Variants in TNKS2 observed in about 807,000 individuals in gnomAD.
The protein encoded by TNKS2 is poly [ADP-ribose] polymerase tankyrase-2.
TNKS2 carries 72 observed loss-of-function variants against 137.6 expected under a neutral mutation model. That is an observed-to-expected ratio of 0.52 (90% CI 0.43 to 0.64). TNKS2 has a LOEUF of 0.64. Among genes scored for constraint, TNKS2 ranks in the 30% least tolerant of loss-of-function variants. The probability of loss-of-function intolerance (pLI) is 0.00; values close to 1 mark genes in which losing one functional copy is unlikely to be tolerated. For missense variants in TNKS2, 1,049 were observed against 1,410.2 expected, an observed-to-expected ratio of 0.74 and a Z score of 4.10; for synonymous variants, 516 against 512.1, an observed-to-expected ratio of 1.01 and a Z score of -0.10.
rs888615263 is a variant in TNKS2, at chr10:91,807,549, T to C, written c.200-5434T>C. ...ACGCGAGTCCTGCAATGCCATTCTT[T>C]CTTAGCTTTACTTCTCAGACTCCTT... is the stretch of plus-strand genomic sequence containing the variant. On this transcript the variant is annotated intron_variant, in intron 1 of 26. Coordinates refer to ENST00000371627, the MANE Select transcript of TNKS2 (RefSeq NM_025235.4). 6 of 1,003,492 alleles carry C rather than the reference T, an allele frequency of 6.0e-6. No individual in the cohort carries two copies. The African/African-American group carries it at 9.6e-5, about 16-fold the overall frequency. The allele number at this position is 1,003,492 out of a possible 1,614,324, so 62.2% of individuals were successfully genotyped here. A position where few individuals can be genotyped will look rare whatever the true frequency, so the allele number is the denominator to read the frequency against.
intron 15 of TNKS2, among the ~76,000 whole-genome samples, 192 bp from the exon 16 acceptor site, chr10:91,841,980 A>G (rs576726194): frequency 6.6e-6 from 1 of 152,212 alleles, no homozygotes; most frequent in East Asian, 1.9e-4. Context: ...ATCCAGTAAT[A>G]TTTAACTGCC....
Position 91,837,007 on chromosome 10 carries a change from C to T in TNKS2, c.1527+9C>T, listed in dbSNP as rs1226966907. The T allele has an allele frequency of 1.9e-6, 3 of 1,611,422 alleles. No individual in the cohort carries two copies. The highest frequency in any genetic ancestry group is 3.4e-5 in the Admixed American group (2 of 59,624). ...ATGTCGAAACTGTAAAAGTAAGATA[C>T]AGTGTTACGTTTCTGTTAACTTTGG... On this transcript the variant is annotated intron_variant, in intron 13 of 26. Coordinates refer to ENST00000371627, the MANE Select transcript of TNKS2 (RefSeq NM_025235.4).
At chr10:91,856,497 G>T (rs751393866) in intron 23 of TNKS2, among the ~76,000 whole-genome samples, 4 of 152,174 alleles carry the variant, frequency 2.6e-5, no homozygotes, top group Non-Finnish European at 4.4e-5. Context: ...GTACATTTCA[G>T]TCAAGTCCAC....
chr10:91,830,852 T>C, intron 9 of TNKS2, 71 bp from the exon 10 acceptor site: 6 of 1,265,868 alleles, frequency 4.7e-6, no homozygotes, highest in African/African-American at 1.5e-5. Context: ...TTGTTCTTGA[T>C]TGGAAACACG....
intron 9 of TNKS2, among the ~76,000 whole-genome samples, chr10:91,830,323 T>C (rs1845206415): frequency 6.6e-6 from 1 of 152,204 alleles, no homozygotes; most frequent in Non-Finnish European, 1.5e-5. Flanking sequence ...GTTCAAGTGA[T>C]TCTCCTGTCT....
At chr10:91,801,462 C>T (rs568271987) in intron 1 of TNKS2, among the ~76,000 whole-genome samples, 2 of 149,454 alleles carry the variant, frequency 1.3e-5, no homozygotes, top group South Asian at 2.2e-4. Context: ...CGCAGATATA[C>T]ACAAGACAGG....
Position 91,864,108 on chromosome 10 carries a change from C to A in TNKS2, c.*1109C>A, listed in dbSNP as rs543510404. The stretch of plus-strand genomic sequence containing the variant: ...CTATACATCATGGGTAAACTTAACC[C>A]AGAACTATAAAATGTAGTTGTCTCA... On this transcript the variant is annotated 3_prime_UTR_variant, in exon 27 of 27. Coordinates refer to ENST00000371627, the MANE Select transcript of TNKS2 (RefSeq NM_025235.4). 1 of 152,400 alleles carries A rather than the reference C, an allele frequency of 6.6e-6. No homozygotes were observed. Among genetic ancestry groups the A allele is most frequent in the South Asian group, 2.1e-4 (1 of 4,820 alleles). 9.4% of individuals were successfully genotyped at this position (152,400 alleles called of 1,614,324 possible).
chr10:91,799,485 G>T (rs1028249606), intron 1 of TNKS2, among the ~76,000 whole-genome samples: 2 of 152,186 alleles, frequency 1.3e-5, no homozygotes, highest in African/African-American at 4.8e-5. Flanking sequence ...TAGGCTGGGT[G>T]CGGGAAGCCT....
chr10:91,819,563 TC>T lies in TNKS2; in HGVS notation c.633+8del, dbSNP rs764995280. The T allele has an allele frequency of 3.2e-6, 5 of 1,578,040 alleles. No homozygotes were observed. The highest frequency in any genetic ancestry group is 2.4e-5 in the South Asian group (2 of 83,830). Reference sequence around the variant, plus strand: ...ACGCAAGTGATGGCAGAAAGGTACTTCCTTTTGCAACTGAGTTTGTGCTTAT... The same window carrying T: ...ACGCAAGTGATGGCAGAAAGGTACTTCTTTTGCAACTGAGTTTGTGCTTAT... On this transcript the variant is annotated splice_region_variant and intron_variant, in intron 5 of 26. Coordinates refer to ENST00000371627, the MANE Select transcript of TNKS2 (RefSeq NM_025235.4).
At chr10:91,857,341 A>G in intron 23 of TNKS2, 84 bp from the exon 24 acceptor site, 1 of 816,044 alleles carries the variant, frequency 1.2e-6, no homozygotes. Flanking sequence ...CCTTCTAGCT[A>G]AATGTATGTC....
intron 12 of TNKS2, 40 bp from the exon 13 acceptor site, chr10:91,836,879 A>G: frequency 6.3e-7 from 1 of 1,591,330 alleles, no homozygotes; most frequent in East Asian, 2.3e-5. Context: ...CATCTTCCAA[A>G]TAGAGGTTAG....
At chr10:91,819,071 C>A (rs1844800832) in intron 3 of TNKS2, among the ~76,000 whole-genome samples, 199 bp from the exon 4 acceptor site, 1 of 151,420 alleles carries the variant, frequency 6.6e-6, no homozygotes, top group Non-Finnish European at 1.5e-5. Context: ...TTTTTTAATC[C>A]CATAGCAAAG....
chr10:91,827,372 G>T (rs1415469151), intron 8 of TNKS2, among the ~76,000 whole-genome samples, 169 bp downstream of exon 8: 1 of 152,176 alleles, frequency 6.6e-6, no homozygotes, highest in East Asian at 1.9e-4. Context: ...TACTTAAGAT[G>T]CTATGAAAAG....
rs912140270 is a variant in TNKS2, at chr10:91,807,441, G to A, written c.200-5542G>A. ...CTCCCAGGTCTGGTACTGCGGCATC[G>A]TGGCCTAGAGTGGAAAAGTAAAGAG... On this transcript the variant is annotated intron_variant, in intron 1 of 26. Transcript: ENST00000371627. The A allele has an allele frequency of 5.5e-5, 88 of 1,612,744 alleles. 1 individual carries two copies. The highest frequency in any genetic ancestry group is 4.2e-4 in the Admixed American group (25 of 59,986).
rs757827814 is a variant in TNKS2, at chr10:91,841,459, A to G, written c.1839+11A>G. On this transcript the variant is annotated intron_variant, in intron 15 of 26. Transcript: ENST00000371627. ...AAACTTCTGCTCCAGGTATATTTAA[A>G]TACTTAACTGTAAAGAGTATGAATT... 1 of 1,587,106 alleles carries G rather than the reference A, an allele frequency of 6.3e-7. No homozygotes were observed. Among genetic ancestry groups the G allele is most frequent in the Non-Finnish European group, 8.6e-7 (1 of 1,168,118 alleles).
At chr10:91,834,416 A>C (rs1365239995) in intron 12 of TNKS2, among the ~76,000 whole-genome samples, 1 of 152,258 alleles carries the variant, frequency 6.6e-6, no homozygotes, top group Non-Finnish European at 1.5e-5. Context: ...TTAGCAACTG[A>C]ATACACTCAT....
chr10:91,846,934 G>A (rs1242247146), intron 18 of TNKS2, among the ~76,000 whole-genome samples: 1 of 152,174 alleles, frequency 6.6e-6, no homozygotes, highest in Non-Finnish European at 1.5e-5. Flanking sequence ...CAGACAGACT[G>A]GGCCTAGAAT....
chr10:91,803,733 T>G (rs1844245995), intron 1 of TNKS2, among the ~76,000 whole-genome samples: 1 of 152,206 alleles, frequency 6.6e-6, no homozygotes, highest in African/African-American at 2.4e-5. Context: ...GGCTGTTTGA[T>G]TATACCTTCC....
intron 7 of TNKS2, among the ~76,000 whole-genome samples, chr10:91,823,822 G>A (rs927841211): frequency 4.6e-5 from 7 of 152,128 alleles, no homozygotes; most frequent in African/African-American, 1.7e-4. Context: ...TGCCTCTTTG[G>A]TTCCTTTCGG....
Sources: gnomAD v4.1 joint callset for allele counts (sites outside exome capture counted in the v4.1 genomes callset) on GRCh38, gnomAD v4.1.1 for gene constraint, MANE v1.5 for transcripts, NCBI Gene and HGNC (gene_info 2026-07-23, HGNC 2026-07-21) for gene names.